CHRNA10: variants seen among roughly 807,000 people sequenced by gnomAD.
CHRNA10 encodes the protein cholinergic receptor nicotinic alpha 10 subunit.
CHRNA10 carries 31 observed loss-of-function variants against 36.0 expected under a neutral mutation model. The observed-to-expected ratio is 0.86, with a 90% confidence interval of 0.65 to 1.16. CHRNA10 has a LOEUF of 1.16. Among genes scored for constraint, CHRNA10 ranks in the 50% most tolerant of loss-of-function variants. The probability of loss-of-function intolerance (pLI) is 0.00; values close to 1 mark genes in which losing one functional copy is unlikely to be tolerated. For synonymous variants in CHRNA10, 302 were observed against 287.0 expected (o/e 1.05, Z -0.53); for missense variants, 648 against 640.9 (o/e 1.01, Z -0.12).
In CHRNA10 at chr11:3,668,973, A is replaced by G. The variant is rs1220309045; in HGVS notation, c.362+223T>C. On this transcript the variant is annotated intron_variant, in intron 3 of 4. Transcript: ENST00000250699. ...AGACAACTGCCCTGGACCACACAGT[A>G]GGTTCCGAGGAGACGTTCAGCCTGG... The G allele has an allele frequency of 3.3e-5, 17 of 520,180 alleles. No individual in the cohort carries two copies. The Admixed American group carries it at 5.7e-4, about 18-fold the overall frequency. 32.2% of individuals were successfully genotyped at this position (520,180 alleles called of 1,614,324 possible).
rs142419021 is a variant in CHRNA10, at chr11:3,666,554, G to A, written c.906C>T (p.Tyr302=). The stretch of plus-strand genomic sequence containing the variant: ...ATGTGACCATGGTCATAGTGGCCAT[G>A]TAGTACTTCCCTGCAAGAGAGAGAG... The part of the protein sequence containing the change: ...AESVPLIGKY[Y]MATMTMVTFS... The change falls in exon 5 of 5, where the codon TAC becomes TAT. Residue 302 remains tyrosine (Y), a synonymous_variant. Transcript: ENST00000250699. 2.1e-5 allele frequency: 32 copies of A among 1,536,788 alleles called. No homozygotes were observed. Among genetic ancestry groups the A allele is most frequent in the Middle Eastern group, 1.7e-4 (1 of 5,728 alleles).
At position 3,669,793 on chromosome 11, in the gene CHRNA10, C is replaced by T. The variant is rs371336061; in HGVS notation, c.207+3G>A. The T allele has an allele frequency of 9.9e-6, 16 of 1,614,084 alleles. No homozygotes were observed. In the African/African-American group the frequency reaches 1.3e-4, roughly 13 times the overall value. Reference sequence around the variant, plus strand: ...CCACAGCTGTACCACCACCACAACGCACCATGTCGATGATCTGGGACAGTG... The same window carrying T: ...CCACAGCTGTACCACCACCACAACGTACCATGTCGATGATCTGGGACAGTG... On this transcript the variant is annotated splice_donor_region_variant and intron_variant, in intron 2 of 4. Coordinates refer to ENST00000250699, the MANE Select transcript of CHRNA10 (RefSeq NM_020402.4).
At position 3,667,441 on chromosome 11, in the gene CHRNA10, GT is replaced by G; in HGVS notation, c.685del (p.Thr229ArgfsTer78). 1 of 1,596,210 alleles carries G rather than the reference GT, an allele frequency of 6.3e-7. No homozygotes were observed. The highest frequency in any genetic ancestry group is 1.1e-5 in the South Asian group (1 of 90,746). Reference sequence around the variant, plus strand: ...GGCGGCGCGGCGGCGCAGCAGCAGCGTGAAGGTGACGTCGGGGTAGGGCTCG... The same window carrying G: ...GGCGGCGCGGCGGCGCAGCAGCAGCGGAAGGTGACGTCGGGGTAGGGCTCG... ...CSEPYPDVTFTLLLRRRAAAY... is the reference protein window; with the variant it reads ...CSEPYPDVTFXLLLRRRAAAY... On this transcript the variant is annotated frameshift_variant, in exon 4 of 5. Coordinates refer to ENST00000250699, the MANE Select transcript of CHRNA10 (RefSeq NM_020402.4). LOFTEE classifies it high-confidence loss of function.
At chr11:3,668,288 C>T (rs1040367924) in intron 3 of CHRNA10, among the ~76,000 whole-genome samples, 3 of 152,016 alleles carry the variant, frequency 2.0e-5, no homozygotes, top group Non-Finnish European at 2.9e-5. Flanking sequence ...CCGAGGTGGG[C>T]GGATCACGAG....
chr11:3,667,491 GCGC>G lies in CHRNA10; in HGVS notation c.633_635del (p.Arg212del), dbSNP rs1564789188. 30 of 1,581,044 alleles carry G rather than the reference GCGC, an allele frequency of 1.9e-5. No individual in the cohort carries two copies. The highest frequency in any genetic ancestry group is 2.5e-5 in the Non-Finnish European group (29 of 1,171,342). ...CGGAGCAGCAGCCGTAGGTGAGCACGCGCCGCCGCGCCGGCATGCCCAGCACGC... is the reference window on the plus strand; with the variant it reads ...CGGAGCAGCAGCCGTAGGTGAGCACGCGCCGCGCCGGCATGCCCAGCACGC... On this transcript the variant is annotated inframe_deletion, in exon 4 of 5. Transcript: ENST00000250699.
chr11:3,666,543 A>G lies in CHRNA10; in HGVS notation c.917T>C (p.Met306Thr), dbSNP rs759191945. ...PLIGKYYMAT[M>T]TMVTFSTALT... ...TGCTGTTGAGAATGTGACCATGGTC[A>G]TAGTGGCCATGTAGTACTTCCCTGC... Residue 306 changes from methionine (M) to threonine (T), a missense_variant, in exon 5 of 5, where the codon ATG (methionine) becomes ACG (threonine). Coordinates refer to ENST00000250699, the MANE Select transcript of CHRNA10 (RefSeq NM_020402.4). The G allele has an allele frequency of 1.2e-5, 18 of 1,554,746 alleles. No homozygotes were observed. In the South Asian group the frequency reaches 2.2e-4, roughly 19 times the overall value.
chr11:3,667,623 G>A lies in CHRNA10; in HGVS notation c.504C>T (p.Cys168=), dbSNP rs781647147. The A allele has an allele frequency of 2.1e-5, 32 of 1,556,262 alleles. No homozygotes were observed. The highest frequency in any genetic ancestry group is 2.7e-5 in the Non-Finnish European group (31 of 1,155,694). The change falls in exon 4 of 5, where the codon TGC becomes TGT. Residue 168 remains cysteine (C), a synonymous_variant. Coordinates refer to ENST00000250699, the MANE Select transcript of CHRNA10 (RefSeq NM_020402.4). ...GAGTCCAGGAGCCGAACGTCAGGCC[G>A]CAGTGCTGGGCGTCGAACGGGAAGG... The part of the protein sequence containing the change: ...VAAFPFDAQH[C]GLTFGSWTHG...
intron 1 of CHRNA10, 29 bp from the exon 2 acceptor site, chr11:3,669,970 T>C (rs1478636754): frequency 2.5e-6 from 4 of 1,613,608 alleles, no homozygotes; most frequent in Non-Finnish European, 3.4e-6. Context: ...GGGTTGTCCA[T>C]CCCAGGCCCT....
chr11:3,670,365 C>T (rs907575271), intron 1 of CHRNA10, among the ~76,000 whole-genome samples: 5 of 152,170 alleles, frequency 3.3e-5, no homozygotes, highest in Admixed American at 6.5e-5. Context: ...ACTTCTGATG[C>T]GATGGAACAC....
At chr11:3,667,161 G>C in intron 4 of CHRNA10, 71 bp downstream of exon 4, 1 of 1,460,754 alleles carries the variant, frequency 6.8e-7, no homozygotes, top group Non-Finnish European at 9.0e-7. Flanking sequence ...CGCAGACCCA[G>C]GCCCTGTCGC....
intron 2 of CHRNA10, 53 bp from the exon 3 acceptor site, chr11:3,669,403 C>T: frequency 6.3e-7 from 1 of 1,584,526 alleles, no homozygotes; most frequent in East Asian, 2.2e-5. Context: ...CATATCCTGC[C>T]CTGTCTGTGC....
rs559435979 is a variant in CHRNA10, at chr11:3,667,202, G to C, written c.895+30C>G. 13 of 1,525,632 alleles carry C rather than the reference G, an allele frequency of 8.5e-6. No homozygotes were observed. In the South Asian group the frequency reaches 1.5e-4, roughly 17 times the overall value. The allele number at this position is 1,525,632 out of a possible 1,614,324, so 94.5% of individuals were successfully genotyped here. On this transcript the variant is annotated intron_variant, in intron 4 of 4. Coordinates refer to ENST00000250699, the MANE Select transcript of CHRNA10 (RefSeq NM_020402.4). The stretch of plus-strand genomic sequence containing the variant: ...CGCCCTGGGGGGACCCCAGCGCATC[G>C]TCAGGTCCCCCCGCGCCCCCGCTGC...
rs763174425 is a variant in CHRNA10 at position 3,669,684 on chromosome 11, T to C, written c.207+112A>G. 5 of 1,419,258 alleles carry C rather than the reference T, an allele frequency of 3.5e-6. No individual in the cohort carries two copies. In the South Asian group the frequency reaches 5.8e-5, roughly 17 times the overall value. 87.9% of individuals were successfully genotyped at this position (1,419,258 alleles called of 1,614,324 possible). On this transcript the variant is annotated intron_variant, in intron 2 of 4. Coordinates refer to ENST00000250699, the MANE Select transcript of CHRNA10 (RefSeq NM_020402.4). Reference sequence around the variant, plus strand: ...TTTGTAACTGCTACCTTTGTTAATATTAACATTTACAGAAAAGAAATTCCA... The same window carrying C: ...TTTGTAACTGCTACCTTTGTTAATACTAACATTTACAGAAAAGAAATTCCA...
chr11:3,669,630 C>A, intron 2 of CHRNA10, 166 bp downstream of exon 2: 1 of 952,936 alleles, frequency 1.0e-6, no homozygotes, highest in Non-Finnish European at 1.7e-6. Flanking sequence ...GCACCCAATA[C>A]TCAGTACCCA....
chr11:3,669,846 GGTCT>G lies in CHRNA10; in HGVS notation c.153_156del (p.Asp52ArgfsTer3). On this transcript the variant is annotated frameshift_variant, in exon 2 of 5. Transcript: ENST00000250699. LOFTEE classifies it high-confidence loss of function. ...ACCTCCAGGGTCACATTCAGAGTCT[GGTCT>G]GTGTCTGCCACAGGTCTCAGGGCAC... 6.2e-7 allele frequency: 1 copy of G among 1,614,180 alleles called. No homozygotes were observed. Among genetic ancestry groups the G allele is most frequent in the Non-Finnish European group, 8.5e-7 (1 of 1,180,038 alleles).
rs1364635265 is a variant in CHRNA10, at chr11:3,667,652, C to G, written c.475G>C (p.Ala159Pro). 6.4e-7 allele frequency: 1 copy of G among 1,560,600 alleles called. No individual in the cohort carries two copies. The highest frequency in any genetic ancestry group is 8.6e-7 in the Non-Finnish European group (1 of 1,158,228). Residue 159 changes from alanine (A) to proline (P), a missense_variant, in exon 4 of 5, where the codon GCA becomes CCA. Ala to Pro is a conservative substitution (Grantham distance 27). Coordinates refer to ENST00000250699, the MANE Select transcript of CHRNA10 (RefSeq NM_020402.4). The stretch of plus-strand genomic sequence containing the variant: ...TGCTGGGCGTCGAACGGGAAGGCTG[C>G]TACATCCACGCGGCACGAGCTGCGC... ...ITRSSCRVDV[A>P]AFPFDAQHCG...
chr11:3,667,930 G>T (rs1396377289), intron 3 of CHRNA10, among the ~76,000 whole-genome samples, 166 bp from the exon 4 acceptor site: 2 of 152,226 alleles, frequency 1.3e-5, no homozygotes, highest in Non-Finnish European at 2.9e-5. Context: ...GGGAGCACCT[G>T]GCCCCAGCGT....
Position 3,667,335 on chromosome 11 carries a change from T to A in CHRNA10, c.792A>T (p.Ser264=). The A allele has an allele frequency of 6.2e-7, 1 of 1,600,608 alleles. No individual in the cohort carries two copies. The highest frequency in any genetic ancestry group is 8.5e-7 in the Non-Finnish European group (1 of 1,178,518). The change falls in exon 4 of 5, where the codon TCA becomes TCT. Residue 264 remains serine, a synonymous_variant. Coordinates refer to ENST00000250699, the MANE Select transcript of CHRNA10 (RefSeq NM_020402.4). Reference sequence around the variant, plus strand: ...TGACGCCCAGCGACACCTTCTCGCCTGAGTCGGCAGGCAGGTGGAAGGCGA... The same window carrying A: ...TGACGCCCAGCGACACCTTCTCGCCAGAGTCGGCAGGCAGGTGGAAGGCGA... ...APLAFHLPAD[S]GEKVSLGVTV...
chr11:3,666,583 G>A lies in CHRNA10; in HGVS notation c.896-19C>T. 1 of 1,506,658 alleles carries A rather than the reference G, an allele frequency of 6.6e-7. No individual in the cohort carries two copies. Among genetic ancestry groups the A allele is most frequent in the Non-Finnish European group, 8.9e-7 (1 of 1,123,930 alleles). 93.3% of individuals were successfully genotyped at this position (1,506,658 alleles called of 1,614,324 possible). On this transcript the variant is annotated intron_variant, in intron 4 of 4. Transcript: ENST00000250699. ...TACTTCCCTGCAAGAGAGAGAGAAAGCCAATTGACTCAAAACAAAAGCCTG... is the reference window on the plus strand; with the variant it reads ...TACTTCCCTGCAAGAGAGAGAGAAAACCAATTGACTCAAAACAAAAGCCTG...
Sources: gnomAD v4.1 joint callset for allele counts (sites outside exome capture counted in the v4.1 genomes callset) on GRCh38, gnomAD v4.1.1 for gene constraint, MANE v1.5 for transcripts, NCBI Gene and HGNC (gene_info 2026-07-23, HGNC 2026-07-21) for gene names.